The following RNF220 variants were observed in gnomAD, a reference collection of about 807,000 sequenced individuals.
RNF220 encodes the protein E3 ubiquitin-protein ligase RNF220.
In RNF220, 7 loss-of-function variants were observed where a neutral mutation model predicts 67.1. The ratio of observed to expected loss-of-function variants is 0.10; its 90% CI spans 0.06 to 0.20. RNF220 has a LOEUF of 0.20. Among genes scored for constraint, RNF220 ranks in the 10% least tolerant of loss-of-function variants. The probability of loss-of-function intolerance (pLI) is 1.00; values close to 1 mark genes in which losing one functional copy is unlikely to be tolerated. For synonymous variants in RNF220, 270 were observed against 283.2 expected (o/e 0.95, Z 0.47); for missense variants, 565 against 740.3 (o/e 0.76, Z 2.75).
chr1:44,605,170 G>A (rs918983452), intron 2 of RNF220, among the ~76,000 whole-genome samples: 39 of 152,064 alleles, frequency 2.6e-4, no homozygotes, highest in African/African-American at 9.4e-4. Context: ...GTGGTGGTGG[G>A]CACCTATAGT....
At chr1:44,456,935 C>T (rs1212591291) in intron 2 of RNF220, among the ~76,000 whole-genome samples, 1 of 152,098 alleles carries the variant, frequency 6.6e-6, no homozygotes, top group Non-Finnish European at 1.5e-5. Flanking sequence ...GCCTCAGTGT[C>T]TTAGCACCCG....
chr1:44,559,707 G>A (rs1023857179), intron 2 of RNF220, among the ~76,000 whole-genome samples: 13 of 152,242 alleles, frequency 8.5e-5, no homozygotes, highest in African/African-American at 3.1e-4. Context: ...AAGGGGGCCT[G>A]CGCAGTGTGC....
chr1:44,411,900 T>C, intron 1 of RNF220, 81 bp from the exon 2 acceptor site: 1 of 591,560 alleles, frequency 1.7e-6, no homozygotes, highest in South Asian at 2.4e-5. Context: ...AAGGATGGTG[T>C]TTCGATCACT....
chr1:44,472,811 A>G (rs1654931496), intron 2 of RNF220, among the ~76,000 whole-genome samples: 1 of 152,206 alleles, frequency 6.6e-6, no homozygotes, highest in African/African-American at 2.4e-5. Flanking sequence ...AGAGGATGTC[A>G]ACCAAAGTTA....
At chr1:44,458,120 A>G (rs972269944) in intron 2 of RNF220, among the ~76,000 whole-genome samples, 6 of 151,982 alleles carry the variant, frequency 3.9e-5, no homozygotes, top group Non-Finnish European at 7.4e-5. Context: ...AAAAATTAGC[A>G]GGGCATGGTG....
chr1:44,531,620 G>T (rs904527040), intron 2 of RNF220, among the ~76,000 whole-genome samples: 1 of 152,160 alleles, frequency 6.6e-6, no homozygotes, highest in Non-Finnish European at 1.5e-5. Flanking sequence ...TTATTAAATT[G>T]AAGATTTCTG....
intron 2 of RNF220, among the ~76,000 whole-genome samples, chr1:44,480,623 C>G (rs1005259431): frequency 3.3e-5 from 5 of 152,004 alleles, no homozygotes; most frequent in East Asian, 1.9e-4. Context: ...GAAAATGGGC[C>G]GGGGGCAGTG....
intron 2 of RNF220, among the ~76,000 whole-genome samples, chr1:44,474,096 C>T (rs765190585): frequency 2.0e-5 from 3 of 151,912 alleles, no homozygotes; most frequent in African/African-American, 4.8e-5. Flanking sequence ...AATAATAGAC[C>T]GGGTGTGGTA....
chr1:44,436,553 C>A (rs140989396), intron 2 of RNF220, among the ~76,000 whole-genome samples: 15 of 152,078 alleles, frequency 9.9e-5, no homozygotes, highest in Non-Finnish European at 1.9e-4. Context: ...CCACTTGAAC[C>A]ATGTGGTTTC....
chr1:44,574,097 C>A (rs1273940231), intron 2 of RNF220, among the ~76,000 whole-genome samples: 1 of 152,072 alleles, frequency 6.6e-6, no homozygotes, highest in East Asian at 1.9e-4. Flanking sequence ...CAGAGTGAGA[C>A]CCTTGTCCTA....
At chr1:44,447,347 T>C (rs1268921700) in intron 2 of RNF220, among the ~76,000 whole-genome samples, 1 of 152,200 alleles carries the variant, frequency 6.6e-6, no homozygotes, top group Non-Finnish European at 1.5e-5. Flanking sequence ...GTCAGGACAA[T>C]AAATAATTAC....
chr1:44,447,591 T>C (rs183974466), intron 2 of RNF220, among the ~76,000 whole-genome samples: 100 of 152,260 alleles, frequency 6.6e-4, no homozygotes, highest in African/African-American at 2.4e-3. Flanking sequence ...GGTATGGAGA[T>C]GAATATGTAG....
At chr1:44,464,812 C>T (rs894652027) in intron 2 of RNF220, among the ~76,000 whole-genome samples, 5 of 152,250 alleles carry the variant, frequency 3.3e-5, no homozygotes, top group East Asian at 1.9e-4. Flanking sequence ...CCTAGATTGC[C>T]GCTATAGCCT....
intron 2 of RNF220, among the ~76,000 whole-genome samples, chr1:44,486,814 A>G (rs1320252571): frequency 6.6e-6 from 1 of 152,174 alleles, no homozygotes; most frequent in Non-Finnish European, 1.5e-5. Context: ...AGTTGAGCCA[A>G]TGTCTCCAGG....
rs527381289 is a variant in RNF220 at position 44,600,022 on chromosome 1, G to C, written c.626-14143G>C. On this transcript the variant is annotated intron_variant, in intron 2 of 14. Transcript: ENST00000361799. This position sits in a 1 kb window ranked among gnomAD's most constrained non-coding sequence, Gnocchi z 4.0. Reference sequence around the variant, plus strand: ...GCCTAAACTAGGGCAATGAAGAAAAGAAGATGATTCTGACCAGTACTTAGG... The same window carrying C: ...GCCTAAACTAGGGCAATGAAGAAAACAAGATGATTCTGACCAGTACTTAGG... Among the ~76,000 whole-genome samples, 203 of 152,316 alleles carry C rather than the reference G, an allele frequency of 1.3e-3. No individual in the cohort carries two copies. Among genetic ancestry groups the C allele is most frequent in the South Asian group, 0.012 (59 of 4,824 alleles).
chr1:44,619,516 G>A (rs1193707495), intron 3 of RNF220, among the ~76,000 whole-genome samples: 1 of 152,192 alleles, frequency 6.6e-6, no homozygotes, highest in Non-Finnish European at 1.5e-5. Context: ...TTTATTCCCG[G>A]GCAGTGCACC....
At chr1:44,473,695 T>C (rs1439318127) in intron 2 of RNF220, among the ~76,000 whole-genome samples, 2 of 152,112 alleles carry the variant, frequency 1.3e-5, no homozygotes, top group Admixed American at 6.5e-5. Context: ...GAGAAGATAA[T>C]TGGGCTCTGT....
intron 2 of RNF220, among the ~76,000 whole-genome samples, chr1:44,516,163 T>A (rs988632687): frequency 1.3e-5 from 2 of 152,230 alleles, no homozygotes; most frequent in Admixed American, 1.3e-4. Context: ...TATTTTTAAA[T>A]AAACTGCCTC....
chr1:44,445,607 C>G (rs1651995670), intron 2 of RNF220, among the ~76,000 whole-genome samples: 1 of 152,006 alleles, frequency 6.6e-6, no homozygotes, highest in African/African-American at 2.4e-5. Flanking sequence ...CCATGGTTAC[C>G]CTTTTTCTTC....
Sources: gnomAD v4.1 joint callset for allele counts (sites outside exome capture counted in the v4.1 genomes callset) on GRCh38, gnomAD v4.1.1 for gene constraint, Gnocchi (gnomAD v3.1) non-coding constraint, MANE v1.5 for transcripts, NCBI Gene and HGNC (gene_info 2026-07-23, HGNC 2026-07-21) for gene names.